The following ZNF563 variants were observed in gnomAD, a reference collection of about 807,000 sequenced individuals.
The protein encoded by ZNF563 is zinc finger protein 563.
In ZNF563, 39 loss-of-function variants were observed where a neutral mutation model predicts 48.5. That is an observed-to-expected ratio of 0.80 (90% CI 0.62 to 1.05). The LOEUF (loss-of-function observed/expected upper bound fraction) is 1.05. ZNF563 is among the 50% of genes least tolerant of loss of function. ZNF563 has a pLI of 0.00. For synonymous variants in ZNF563, 168 were observed against 187.9 expected (o/e 0.89, Z 0.87); for missense variants, 538 against 597.0 (o/e 0.90, Z 1.03).
In ZNF563 at chr19:12,319,435, T is replaced by G. The variant is rs1282594986; in HGVS notation, c.590A>C (p.Tyr197Ser). ...AGCTTTCCCACACAACTTACATTTATAAGGTCTATTTCCACCTTGCACTAC... is the reference window on the plus strand; with the variant it reads ...AGCTTTCCCACACAACTTACATTTAGAAGGTCTATTTCCACCTTGCACTAC... ...HMVVQGGNRPYKCKLCGKAFF... is the reference protein window; with the variant it reads ...HMVVQGGNRPSKCKLCGKAFF... The change falls in exon 4 of 4, where the codon TAT (tyrosine) becomes TCT (serine). Residue 197 changes from tyrosine to serine, a missense_variant. Physicochemically the swap from Tyr to Ser is moderately radical, Grantham distance 144. Transcript: ENST00000293725. 6.2e-7 allele frequency: 1 copy of G among 1,614,256 alleles called. No homozygotes were observed. Among genetic ancestry groups the G allele is most frequent in the East Asian group, 2.2e-5 (1 of 44,882 alleles).
In ZNF563 at chr19:12,319,581, T is replaced by C. The variant is rs139892393; in HGVS notation, c.444A>G (p.Lys148=). 54 of 1,614,216 alleles carry C rather than the reference T, an allele frequency of 3.3e-5. No homozygotes were observed. The African/African-American group carries it at 6.7e-4, about 20-fold the overall frequency. The change falls in exon 4 of 4, where the codon AAA becomes AAG. Residue 148 remains lysine, a synonymous_variant. Transcript: ENST00000293725. ...EKPHTHKQRG[K]AFSYHHSFQS... ...GAAAGGAGTGATGGTAACTGAAGGC[T>C]TTCCCACGTTGTTTATGTGTATGTG...
chr19:12,336,191 T>G (rs534762613), upstream of ZNF563, among the ~76,000 whole-genome samples: 329 of 152,320 alleles, frequency 2.2e-3, 2 homozygotes, highest in African/African-American at 7.6e-3. Context: ...CTGGGCATGG[T>G]GCCTTGGGCC....
chr19:12,339,832 C>T, the ZNF563 span, among the ~76,000 whole-genome samples: 1 of 152,282 alleles, frequency 6.6e-6, no homozygotes, highest in East Asian at 1.9e-4. Context: ...GCTCAACGAA[C>T]TCTAAGTAGG....
At chr19:12,332,317 A>T (rs1323408078) in intron 1 of ZNF563, among the ~76,000 whole-genome samples, 1 of 151,648 alleles carries the variant, frequency 6.6e-6, no homozygotes, top group Non-Finnish European at 1.5e-5. Context: ...CAGGTAAGTT[A>T]CGGGTCTAAC....
At position 12,319,552 on chromosome 19, in the gene ZNF563, G is replaced by C; in HGVS notation, c.473C>G (p.Ser158Trp). The change falls in exon 4 of 4, where the codon TCG becomes TGG. Residue 158 changes from serine (S) to tryptophan (W), a missense_variant. Physicochemically the swap from Ser to Trp is radical, Grantham distance 177 (BLOSUM62 -3). Transcript: ENST00000293725. ...CTTTCCAGTGTGAGGCCTTCCACGC[G>C]ACTGAAAGGAGTGATGGTAACTGAA... ...KAFSYHHSFQ[S>W]RGRPHTGKKR... The C allele has an allele frequency of 6.2e-7, 1 of 1,614,076 alleles. No individual in the cohort carries two copies. Among genetic ancestry groups the C allele is most frequent in the Non-Finnish European group, 8.5e-7 (1 of 1,180,028 alleles).
the ZNF563 span, chr19:12,347,178 T>A: frequency 6.6e-6 from 1 of 152,198 alleles, no homozygotes; most frequent in Non-Finnish European, 1.5e-5. Flanking sequence ...TCATGAATAC[T>A]TCAATGAAAC....
chr19:12,342,581 T>C, the ZNF563 span, among the ~76,000 whole-genome samples: 1 of 151,250 alleles, frequency 6.6e-6, no homozygotes, highest in African/African-American at 2.4e-5. Flanking sequence ...GAGACCAGCC[T>C]GGGCAACATA....
intron 1 of ZNF563, among the ~76,000 whole-genome samples, chr19:12,324,160 C>A (rs1968708121): frequency 6.6e-6 from 1 of 152,050 alleles, no homozygotes; most frequent in African/African-American, 2.4e-5. Context: ...GAGTTTGAGA[C>A]CAGCCTGGGC....
chr19:12,321,429 C>T (rs1599568952), intron 2 of ZNF563, 97 bp from the exon 3 acceptor site: 1 of 738,722 alleles, frequency 1.4e-6, no homozygotes, highest in Non-Finnish European at 2.0e-6. Context: ...ATTCGTTCAT[C>T]AAACTACAGT....
Position 12,319,297 on chromosome 19 carries a change from T to G in ZNF563, c.728A>C (p.His243Pro). The G allele has an allele frequency of 1.1e-5, 18 of 1,614,090 alleles. No individual in the cohort carries two copies. The highest frequency in any genetic ancestry group is 1.5e-5 in the Non-Finnish European group (18 of 1,179,984). ...AFPFYSSYRR[H>P]ERMHTGEKPY... ...TTTCTCCCCAGTGTGCATTCTCTCA[T>G]GTCTTCGATAGGAACTGTAAAAAGG... is the stretch of plus-strand genomic sequence containing the variant. Residue 243 changes from histidine to proline, a missense_variant, in exon 4 of 4, where the codon CAT (histidine) becomes CCT (proline). Transcript: ENST00000293725.
the ZNF563 span, among the ~76,000 whole-genome samples, chr19:12,339,441 G>A: frequency 3.3e-5 from 5 of 151,806 alleles, no homozygotes; most frequent in African/African-American, 4.8e-5. Flanking sequence ...CACTACGCCC[G>A]GCTAATTTTT....
At chr19:12,330,209 C>T (rs1291717136) in intron 1 of ZNF563, among the ~76,000 whole-genome samples, 1 of 152,146 alleles carries the variant, frequency 6.6e-6, no homozygotes, top group Non-Finnish European at 1.5e-5. Context: ...CATGAGCCAC[C>T]ACGCCCGGGG....
chr19:12,318,888 G>A lies in ZNF563; in HGVS notation c.1137C>T (p.Ser379=). 6.2e-7 allele frequency: 1 copy of A among 1,614,182 alleles called. No individual in the cohort carries two copies. ...QCGKTLSHSS[S]FRRHMIMHTG... ...TGTGCATTATCATGTGTCTTCGAAA[G>A]CTTGAGCTATGAGATAACGTTTTCC... The change falls in exon 4 of 4, where the codon AGC becomes AGT. Residue 379 remains serine, a synonymous_variant. Coordinates refer to ENST00000293725, the MANE Select transcript of ZNF563 (RefSeq NM_145276.3).
intron 1 of ZNF563, 53 bp downstream of exon 1, chr19:12,333,427 C>A (rs1313400239): frequency 8.1e-6 from 13 of 1,608,666 alleles, no homozygotes; most frequent in Non-Finnish European, 1.1e-5. Flanking sequence ...CGGTTCTGGA[C>A]GGTTCCAACC....
At position 12,319,080 on chromosome 19, in the gene ZNF563, C is replaced by T. The variant is rs1264857699; in HGVS notation, c.945G>A (p.Gly315=). The change falls in exon 4 of 4, where the codon GGG becomes GGA. Residue 315 remains glycine, a synonymous_variant. Transcript: ENST00000293725. ...AGCTTCCAAGATGATGAAATGTTTT[C>T]CCGCATTGCTTACACTCATAGGGTT... ...AEKPYECKQC[G]KTFHHLGSFQ... is the part of the protein sequence containing the mutation. 1 of 1,614,008 alleles carries T rather than the reference C, an allele frequency of 6.2e-7. No individual in the cohort carries two copies. Among genetic ancestry groups the T allele is most frequent in the African/African-American group, 1.3e-5 (1 of 74,894 alleles).
chr19:12,340,722 A>G, the ZNF563 span, among the ~76,000 whole-genome samples: 2 of 152,130 alleles, frequency 1.3e-5, no homozygotes, highest in Non-Finnish European at 2.9e-5. Context: ...GGTTGCAGTG[A>G]GCCAAGATTG....
At position 12,321,294 on chromosome 19, in the gene ZNF563, T is replaced by C. The variant is rs1968615695; in HGVS notation, c.169A>G (p.Lys57Glu). ...TACCTTAGATTTCTCCTAGGATTTT[T>C]GTACTGATCTTCAGTATTCTGTTCT... ...WEEQNTEDQY[K>E]NPRRNLRCHM... is the part of the protein sequence containing the mutation. The change falls in exon 3 of 4, where the codon AAA (lysine) becomes GAA (glutamate). Residue 57 changes from lysine to glutamate, a missense_variant. Physicochemically the swap from Lys to Glu is moderately conservative, Grantham distance 56. Transcript: ENST00000293725. 6.3e-7 allele frequency: 1 copy of C among 1,578,754 alleles called. No individual in the cohort carries two copies. The highest frequency in any genetic ancestry group is 1.4e-5 in the African/African-American group (1 of 72,768).
intron 1 of ZNF563, among the ~76,000 whole-genome samples, chr19:12,326,819 A>C (rs749601584): frequency 5.9e-5 from 9 of 152,180 alleles, no homozygotes; most frequent in Non-Finnish European, 1.0e-4. Flanking sequence ...AATTCACATC[A>C]CATTAAATGA....
upstream of ZNF563, among the ~76,000 whole-genome samples, chr19:12,338,192 T>C (rs749491495): frequency 6.6e-6 from 1 of 152,168 alleles, no homozygotes; most frequent in African/African-American, 2.4e-5. Flanking sequence ...ATAAAGAAGC[T>C]GTCTCCCCAC....
Sources: gnomAD v4.1 joint callset for allele counts (sites outside exome capture counted in the v4.1 genomes callset) on GRCh38, gnomAD v4.1.1 for gene constraint, MANE v1.5 for transcripts, NCBI Gene and HGNC (gene_info 2026-07-23, HGNC 2026-07-21) for gene names.